The following ADAMTSL1 variants were observed in gnomAD, a reference collection of about 807,000 sequenced individuals.
ADAMTSL1 encodes ADAMTS-like protein 1.
A neutral mutation model predicts 201.8 loss-of-function variants in ADAMTSL1; 126 were observed. The observed-to-expected ratio is 0.62, with a 90% CI of 0.54 to 0.72. ADAMTSL1 has a LOEUF of 0.72. ADAMTSL1 is among the 30% of genes least tolerant of loss of function. The pLI is 0.00. For synonymous variants in ADAMTSL1, 1,121 were observed against 903.4 expected, an observed-to-expected ratio of 1.24 and a Z score of -4.32; for missense variants, 2,679 against 2,277.8, an observed-to-expected ratio of 1.18 and a Z score of -3.59.
At chr9:18,731,091 A>G (rs141701950) in intron 15 of ADAMTSL1, among the ~76,000 whole-genome samples, 1 of 152,274 alleles carries the variant, frequency 6.6e-6, no homozygotes, top group East Asian at 1.9e-4. Flanking sequence ...ATTTTTCCCA[A>G]TGGGGGAATC....
intron 1 of ADAMTSL1, among the ~76,000 whole-genome samples, chr9:18,502,661 G>A (rs1822903657): frequency 6.6e-6 from 1 of 152,092 alleles, no homozygotes; most frequent in Admixed American, 6.6e-5. Flanking sequence ...AGATTTTGGG[G>A]TTACCAAGGT....
chr9:17,967,040 G>T (rs1418443888), intron 1 of ADAMTSL1, among the ~76,000 whole-genome samples: 1 of 152,082 alleles, frequency 6.6e-6, no homozygotes, highest in African/African-American at 2.4e-5. Context: ...ACTGAAATCA[G>T]ATACTTTTCT....
intron 7 of ADAMTSL1, among the ~76,000 whole-genome samples, chr9:18,647,935 G>GTAT (rs1248701216): frequency 6.7e-6 from 1 of 149,708 alleles, no homozygotes; most frequent in Non-Finnish European, 1.5e-5. Context: ...CAATTCCTGG[G>GTAT]TATCCTTTTT....
At chr9:18,061,553 C>T (rs1822455944) in intron 1 of ADAMTSL1, among the ~76,000 whole-genome samples, 1 of 152,178 alleles carries the variant, frequency 6.6e-6, no homozygotes, top group Non-Finnish European at 1.5e-5. Flanking sequence ...CATTTCCTTA[C>T]ATGTGGACTG....
At chr9:18,408,513 T>C (rs1818298460) in intron 2 of ADAMTSL1, among the ~76,000 whole-genome samples, 1 of 152,086 alleles carries the variant, frequency 6.6e-6, no homozygotes, top group Non-Finnish European at 1.5e-5. Flanking sequence ...ATTAAGTACC[T>C]AGTATGTGCT....
chr9:18,713,641 A>T (rs374092167), intron 14 of ADAMTSL1, among the ~76,000 whole-genome samples: 26 of 150,672 alleles, frequency 1.7e-4, no homozygotes, highest in African/African-American at 5.6e-4. Context: ...CTCCCACACA[A>T]TAATAATGGG....
At chr9:18,695,675 A>G (rs1426931041) in intron 13 of ADAMTSL1, among the ~76,000 whole-genome samples, 1 of 152,208 alleles carries the variant, frequency 6.6e-6, no homozygotes, top group Non-Finnish European at 1.5e-5. Flanking sequence ...ACAACAATTT[A>G]CCAAGTCTTT....
intron 1 of ADAMTSL1, among the ~76,000 whole-genome samples, chr9:18,119,411 C>T (rs1825403283): frequency 6.6e-6 from 1 of 152,014 alleles, no homozygotes; most frequent in Admixed American, 6.6e-5. Context: ...TCCTATTCTC[C>T]TGCCTCAGCT....
intron 1 of ADAMTSL1, among the ~76,000 whole-genome samples, chr9:17,997,229 C>A (rs1819419614): frequency 6.6e-6 from 1 of 152,004 alleles, no homozygotes; most frequent in South Asian, 2.1e-4. Context: ...AAACAGGTTC[C>A]CCTATTAGAA....
At chr9:18,059,578 A>G (rs1451427945) in intron 1 of ADAMTSL1, among the ~76,000 whole-genome samples, 1 of 152,198 alleles carries the variant, frequency 6.6e-6, no homozygotes, top group East Asian at 1.9e-4. Context: ...AGACAATGAT[A>G]AAGAAGTGAA....
chr9:18,641,316 A>G (rs992533156), intron 7 of ADAMTSL1, among the ~76,000 whole-genome samples: 29 of 152,088 alleles, frequency 1.9e-4, no homozygotes, highest in Admixed American at 1.9e-3. Context: ...TTGTCTTCAT[A>G]TCTCCATAAG....
chr9:18,839,908 T>G (rs12340003), intron 23 of ADAMTSL1, among the ~76,000 whole-genome samples: 30,092 of 145,920 alleles, frequency 0.21, 3,024 homozygotes, highest in Middle Eastern at 0.31. Flanking sequence ...TAAATTTGTT[T>G]GAGTTCATTG....
chr9:18,646,099 C>T (rs1362225546), intron 7 of ADAMTSL1, among the ~76,000 whole-genome samples: 2 of 151,642 alleles, frequency 1.3e-5, no homozygotes, highest in African/African-American at 4.8e-5. Flanking sequence ...TGAAGAGGTC[C>T]TTCACATCCC....
chr9:18,624,523 T>C (rs1411631973), intron 5 of ADAMTSL1, among the ~76,000 whole-genome samples: 1 of 152,198 alleles, frequency 6.6e-6, no homozygotes, highest in Non-Finnish European at 1.5e-5. Context: ...TACTGTTAGG[T>C]ACAAAAGGAA....
At chr9:18,488,740 A>T (rs984113255) in intron 1 of ADAMTSL1, among the ~76,000 whole-genome samples, 1 of 152,132 alleles carries the variant, frequency 6.6e-6, no homozygotes, top group Non-Finnish European at 1.5e-5. Flanking sequence ...CAAGGCTGAA[A>T]TTTCCCTACC....
intron 1 of ADAMTSL1, among the ~76,000 whole-genome samples, chr9:17,948,023 G>A (rs1267757109): frequency 6.6e-6 from 1 of 152,118 alleles, no homozygotes; most frequent in African/African-American, 2.4e-5. Flanking sequence ...GGCTCCAGTG[G>A]TGGGTGGTAA....
In ADAMTSL1 at chr9:18,419,051, G is replaced by A. The variant is rs547174301; in HGVS notation, c.208-85778G>A. 2.0e-4 allele frequency among the ~76,000 whole-genome samples: 30 copies of A among 152,282 alleles called. 1 individual carries two copies. Among genetic ancestry groups the A allele is most frequent in the South Asian group, 1.7e-3 (8 of 4,828 alleles). On this transcript the variant is annotated intron_variant, in intron 2 of 29. Coordinates refer to the ADAMTSL1 transcript ENST00000680146. ...TAGATTCATATAAATGTGGCCAATT[G>A]ATTTTTGGCAAAGTTGCGTAGCAAC...
chr9:18,573,763 C>T (rs1564059700), intron 3 of ADAMTSL1, among the ~76,000 whole-genome samples: 1 of 152,132 alleles, frequency 6.6e-6, no homozygotes, highest in African/African-American at 2.4e-5. Context: ...TATGTCCCAC[C>T]TAATCAGAAT....
intron 2 of ADAMTSL1, among the ~76,000 whole-genome samples, chr9:18,198,296 G>T (rs1363933316): frequency 4.7e-5 from 7 of 149,472 alleles, no homozygotes; most frequent in Non-Finnish European, 1.0e-4. Flanking sequence ...CACAGCAAAA[G>T]AAACTACCAT....
Sources: gnomAD v4.1 joint callset for allele counts (sites outside exome capture counted in the v4.1 genomes callset) on GRCh38, gnomAD v4.1.1 for gene constraint, MANE v1.5 for transcripts, NCBI Gene and HGNC (gene_info 2026-07-23, HGNC 2026-07-21) for gene names.